XKR9: variants seen among roughly 807,000 people sequenced by gnomAD.
XKR9 encodes XK-related protein 9.
Under a neutral mutation model 32.0 loss-of-function variants are expected in XKR9, and 32 were observed. The observed-to-expected ratio is 1.00, with a 90% CI of 0.76 to 1.34. XKR9 has a LOEUF of 1.34. Ranked by LOEUF, XKR9 falls within the 40% of genes most tolerant of loss-of-function variation. XKR9 has a pLI of 0.00. For synonymous variants in XKR9, 168 were observed against 143.4 expected (o/e 1.17, Z -1.22); for missense variants, 546 against 429.7 (o/e 1.27, Z -2.39).
the XKR9 span, among the ~76,000 whole-genome samples, chr8:70,944,221 AG>A: frequency 3.3e-5 from 5 of 152,264 alleles, no homozygotes; most frequent in African/African-American, 1.2e-4. Flanking sequence ...CTATTTTGTA[AG>A]TGTTAAAAAG....
At chr8:70,723,581 G>C (rs1806354909) in intron 4 of XKR9, among the ~76,000 whole-genome samples, 1 of 152,164 alleles carries the variant, frequency 6.6e-6, no homozygotes, top group African/African-American at 2.4e-5. Flanking sequence ...CTCTTCTTCA[G>C]ATCTGCTGGA....
chr8:71,024,804 CCTT>C, the XKR9 span, among the ~76,000 whole-genome samples: 1 of 152,194 alleles, frequency 6.6e-6, no homozygotes, highest in East Asian at 1.9e-4. Context: ...CCTTTCCTCT[CCTT>C]CTGTGCCTCA....
intron 2 of XKR9, among the ~76,000 whole-genome samples, chr8:70,776,678 A>G (rs1807524516): frequency 6.6e-6 from 1 of 152,020 alleles, no homozygotes; most frequent in Non-Finnish European, 1.5e-5. Context: ...GAATGGAGAT[A>G]GGACAGCCTC....
chr8:70,865,887 C>T, the XKR9 span, among the ~76,000 whole-genome samples: 2 of 152,138 alleles, frequency 1.3e-5, no homozygotes, highest in Non-Finnish European at 1.5e-5. Context: ...ATGTTGATTG[C>T]AGTTGAAGCC....
At chr8:70,907,984 G>A in the XKR9 span, among the ~76,000 whole-genome samples, 11 of 152,136 alleles carry the variant, frequency 7.2e-5, no homozygotes, top group African/African-American at 2.7e-4. Flanking sequence ...CAATTGTCTT[G>A]TAATCTTATG....
At chr8:70,781,858 A>T (rs1488611667) in intron 2 of XKR9, among the ~76,000 whole-genome samples, 1 of 152,186 alleles carries the variant, frequency 6.6e-6, no homozygotes, top group African/African-American at 2.4e-5. Context: ...TCCATAAAAT[A>T]TTTATGCGGA....
chr8:70,853,295 T>C, the XKR9 span, among the ~76,000 whole-genome samples: 1 of 151,742 alleles, frequency 6.6e-6, no homozygotes, highest in Non-Finnish European at 1.5e-5. Flanking sequence ...GGATGGATAA[T>C]GGGTAAAAAA....
chr8:70,834,088 T>G, the XKR9 span, among the ~76,000 whole-genome samples: 1 of 82,412 alleles, frequency 1.2e-5, no homozygotes, highest in Non-Finnish European at 2.6e-5. Context: ...ACTCTCTTGC[T>G]TCTGCAAGTA....
At chr8:71,029,995 T>C in the XKR9 span, among the ~76,000 whole-genome samples, 4 of 152,094 alleles carry the variant, frequency 2.6e-5, no homozygotes, top group African/African-American at 9.6e-5. Context: ...GATTAACTCT[T>C]CTTAAAAGGA....
intron 4 of XKR9, among the ~76,000 whole-genome samples, chr8:70,723,628 G>A (rs1049818375): frequency 6.6e-6 from 1 of 152,100 alleles, no homozygotes; most frequent in African/African-American, 2.4e-5. Flanking sequence ...TGTTTTCCTG[G>A]GTATCACCAG....
chr8:71,010,352 T>C, the XKR9 span, among the ~76,000 whole-genome samples: 2 of 152,204 alleles, frequency 1.3e-5, no homozygotes, highest in South Asian at 4.1e-4. Flanking sequence ...AATGGTCCCA[T>C]ATGTGTTTAT....
chr8:71,023,336 C>A, the XKR9 span, among the ~76,000 whole-genome samples: 1 of 152,134 alleles, frequency 6.6e-6, no homozygotes, highest in African/African-American at 2.4e-5. Context: ...TGGGTTTATG[C>A]AAGAGTGCAG....
At chr8:70,683,621 G>A in intron 3 of XKR9, 1 of 427,706 alleles carries the variant, frequency 2.3e-6, no homozygotes, top group South Asian at 1.6e-5. Flanking sequence ...CTGAGTAGCT[G>A]GGATTACAGG....
the XKR9 span, among the ~76,000 whole-genome samples, chr8:70,803,345 T>A: frequency 5.3e-5 from 8 of 152,212 alleles, no homozygotes; most frequent in Non-Finnish European, 1.0e-4. Flanking sequence ...CCTGTATCAT[T>A]TTATTGTATT....
At chr8:70,698,571 C>G (rs1280367248) in intron 3 of XKR9, among the ~76,000 whole-genome samples, 1 of 152,110 alleles carries the variant, frequency 6.6e-6, no homozygotes, top group South Asian at 2.1e-4. Context: ...AATTTCTGTT[C>G]TTTTACATTT....
At chr8:70,694,550 G>A (rs1805193447) in intron 3 of XKR9, among the ~76,000 whole-genome samples, 1 of 152,190 alleles carries the variant, frequency 6.6e-6, no homozygotes, top group African/African-American at 2.4e-5. Flanking sequence ...TAGAGCGGCT[G>A]TGCTATGCTG....
Position 70,734,592 on chromosome 8 carries a change from A to G in XKR9, c.*168A>G. On this transcript the variant is annotated 3_prime_UTR_variant, in exon 5 of 5. Transcript: ENST00000408926. ...ATTTTATTTTTAAAATTAATTTCTC[A>G]TTTGGTTTTGAAGATCTTGAGTACT... 1.0e-6 allele frequency: 1 copy of G among 968,722 alleles called. No homozygotes were observed. Among genetic ancestry groups the G allele is most frequent in the Non-Finnish European group, 1.3e-6 (1 of 753,394 alleles). The allele number at this position is 968,722 out of a possible 1,614,324, so 60.0% of individuals were successfully genotyped here.
downstream of XKR9, among the ~76,000 whole-genome samples, chr8:70,738,704 T>C (rs1806908792): frequency 6.6e-6 from 1 of 152,184 alleles, no homozygotes. Flanking sequence ...AACATCTTTA[T>C]TTCTGCCTTC....
At chr8:70,902,327 A>C in the XKR9 span, among the ~76,000 whole-genome samples, 3 of 151,994 alleles carry the variant, frequency 2.0e-5, no homozygotes, top group Non-Finnish European at 2.9e-5. Context: ...CTTTTATTTC[A>C]TTGAGCAGTG....
Sources: allele counts gnomAD v4.1 joint callset (sites outside exome capture counted in the v4.1 genomes callset), GRCh38; gene constraint gnomAD v4.1.1; transcripts MANE v1.5; gene names NCBI Gene and HGNC (gene_info 2026-07-23, HGNC 2026-07-21).